IQCE: variants seen among roughly 807,000 people sequenced by gnomAD.
The protein encoded by IQCE is IQ domain-containing protein E.
In IQCE, 115 loss-of-function variants were observed where a neutral mutation model predicts 96.0. The ratio of observed to expected loss-of-function variants is 1.20; its 90% CI spans 1.03 to 1.40. The LOEUF (loss-of-function observed/expected upper bound fraction) is 1.40, where lower values mean the gene tolerates loss of function less well. IQCE is among the 40% of genes most tolerant of loss of function. The pLI is 0.00. For missense variants in IQCE, 1,041 were observed against 909.1 expected (o/e 1.15, Z -1.87); for synonymous variants, 412 against 371.2 (o/e 1.11, Z -1.26).
At position 2,598,454 on chromosome 7, in the gene IQCE, A is replaced by G. The variant is rs780237179; in HGVS notation, c.1441-11A>G. On this transcript the variant is annotated splice_polypyrimidine_tract_variant and intron_variant, in intron 16 of 21. Coordinates refer to ENST00000402050, the MANE Select transcript of IQCE (RefSeq NM_152558.5). ...GCTTCATTGTCCTCTTACTCCTTCA[A>G]TTTCCTGCAGGCCCAAGAGCTCCCA... 4 of 1,558,706 alleles carry G rather than the reference A, an allele frequency of 2.6e-6. No individual in the cohort carries two copies. The highest frequency in any genetic ancestry group is 3.9e-5 in the Admixed American group (2 of 50,824).
chr7:2,577,636 C>T (rs1419632201), intron 6 of IQCE, among the ~76,000 whole-genome samples: 2 of 105,942 alleles, frequency 1.9e-5, no homozygotes, highest in African/African-American at 7.8e-5. Flanking sequence ...GCGGCGTGCA[C>T]GCATTGGCGT....
At chr7:2,608,039 C>A (rs940134108) in intron 21 of IQCE, among the ~76,000 whole-genome samples, 1 of 152,104 alleles carries the variant, frequency 6.6e-6, no homozygotes, top group Non-Finnish European at 1.5e-5. Context: ...GAGAGAACAG[C>A]AAGGAAAACC....
intron 4 of IQCE, 137 bp downstream of exon 4, chr7:2,571,791 A>G (rs1406652088): frequency 2.0e-6 from 2 of 997,888 alleles, no homozygotes; most frequent in Admixed American, 5.4e-5. Context: ...GACATCAAAT[A>G]TACACATCGT....
rs185645844 is a variant in IQCE, at chr7:2,589,615, T to C, written c.1045-292T>C. ...CAGGAGGGAAGATGTGCAGAGTCGT[T>C]TGAGTCCCCTCCCCTCGTGCCCTCC... On this transcript the variant is annotated intron_variant, in intron 13 of 21. Transcript: ENST00000402050. 4.4e-4 allele frequency among the ~76,000 whole-genome samples: 66 copies of C among 149,520 alleles called. No individual in the cohort carries two copies. In the East Asian group the frequency reaches 0.012, roughly 28 times the overall value.
chr7:2,582,657 G>A lies in IQCE; in HGVS notation c.701+7G>A, dbSNP rs765181210. The A allele has an allele frequency of 1.2e-5, 19 of 1,612,220 alleles. No individual in the cohort carries two copies. Among genetic ancestry groups the A allele is most frequent in the African/African-American group, 1.3e-5 (1 of 75,006 alleles). On this transcript the variant is annotated splice_region_variant and intron_variant, in intron 9 of 21. Coordinates refer to ENST00000402050, the MANE Select transcript of IQCE (RefSeq NM_152558.5). ...AGAAGGACGGCACCATCAGGTGGGC[G>A]CAGGGCTGCACCCTCTCCCCTGCCT...
rs746153884 is a variant in IQCE at position 2,572,253 on chromosome 7, CG to C, written c.323del (p.Gly108AlafsTer7). 30 of 1,614,046 alleles carry C rather than the reference CG, an allele frequency of 1.9e-5. No individual in the cohort carries two copies. The highest frequency in any genetic ancestry group is 2.5e-5 in the Non-Finnish European group (29 of 1,180,008). Reference sequence around the variant, plus strand: ...GGGAGCATGCGTGGACTGGCGTCCCCGGCGGCACTCCTGACTGTCTGACAGA... The same window carrying C: ...GGGAGCATGCGTGGACTGGCGTCCCCGCGGCACTCCTGACTGTCTGACAGA... ...TWEHAWTGVP[G>X]GTPDCLTDTF... On this transcript the variant is annotated frameshift_variant, in exon 5 of 22. Coordinates refer to ENST00000402050, the MANE Select transcript of IQCE (RefSeq NM_152558.5). LOFTEE classifies it high-confidence loss of function.
At position 2,571,256 on chromosome 7, in the gene IQCE, C is replaced by T. The variant is rs184351068; in HGVS notation, c.131-270C>T. 883 of 364,920 alleles carry T rather than the reference C, an allele frequency of 2.4e-3. 21 individuals carry two copies. In the Admixed American group the frequency reaches 0.038, roughly 16 times the overall value. The allele number at this position is 364,920 out of a possible 1,614,324, so 22.6% of individuals were successfully genotyped here. ...CTGGTCTTGAATTCCTGGCCTCAAG[C>T]GATTCTCCTGCCTTAGCCTCCCAAG... is the stretch of plus-strand genomic sequence containing the variant. On this transcript the variant is annotated intron_variant, in intron 3 of 21. Transcript: ENST00000402050.
chr7:2,595,435 C>G (rs539944055), intron 16 of IQCE, among the ~76,000 whole-genome samples: 100 of 152,294 alleles, frequency 6.6e-4, no homozygotes, highest in East Asian at 3.9e-4. Flanking sequence ...CCTGTGCCCT[C>G]CCTGCCGTCA....
chr7:2,586,392 C>T, intron 12 of IQCE, 21 bp downstream of exon 12: 1 of 1,566,112 alleles, frequency 6.4e-7, no homozygotes. Context: ...GAAAGCCACT[C>T]CAGGAGGGAG....
At chr7:2,574,769 G>A (rs1781996319) in intron 6 of IQCE, among the ~76,000 whole-genome samples, 1 of 152,188 alleles carries the variant, frequency 6.6e-6, no homozygotes, top group Non-Finnish European at 1.5e-5. Flanking sequence ...TCTGTTCAGT[G>A]TTTTCCCCTC....
At position 2,597,254 on chromosome 7, in the gene IQCE, A is replaced by G. The variant is rs956330426; in HGVS notation, c.1441-1211A>G. On this transcript the variant is annotated intron_variant, in intron 16 of 21. Coordinates refer to ENST00000402050, the MANE Select transcript of IQCE (RefSeq NM_152558.5). ...GGCCCTGGGTGATTAAGGCTGAGAAACACTGCCTTCTGGAGTGTGGGGCCC... is the reference window on the plus strand; with the variant it reads ...GGCCCTGGGTGATTAAGGCTGAGAAGCACTGCCTTCTGGAGTGTGGGGCCC... The G allele has an allele frequency of 2.1e-4, 84 of 406,554 alleles. 1 individual carries two copies. In the Admixed American group the frequency reaches 2.1e-3, roughly 10 times the overall value. The allele number at this position is 406,554 out of a possible 1,614,324, so 25.2% of individuals were successfully genotyped here.
chr7:2,559,287 G>A lies in IQCE; in HGVS notation c.36+70G>A, dbSNP rs947317010. On this transcript the variant is annotated intron_variant, in intron 1 of 21. Coordinates refer to ENST00000402050, the MANE Select transcript of IQCE (RefSeq NM_152558.5). ...CCTCGGCTCGTCTCCGTCGCCCGCA[G>A]CCTCGGGGCCCCGCGCAGGGGCCGG... is the stretch of plus-strand genomic sequence containing the variant. 12 of 990,182 alleles carry A rather than the reference G, an allele frequency of 1.2e-5. No homozygotes were observed. The African/African-American group carries it at 1.9e-4, about 16-fold the overall frequency. The allele number at this position is 990,182 out of a possible 1,614,324, so 61.3% of individuals were successfully genotyped here.
At chr7:2,606,764 C>T (rs950650964) in intron 20 of IQCE, among the ~76,000 whole-genome samples, 2 of 152,192 alleles carry the variant, frequency 1.3e-5, no homozygotes, top group Non-Finnish European at 2.9e-5. Flanking sequence ...GAGCCCCAGC[C>T]AGGAGGTGGA....
chr7:2,593,977 T>G (rs1821817), intron 15 of IQCE, among the ~76,000 whole-genome samples: 1 of 152,080 alleles, frequency 6.6e-6, no homozygotes, highest in South Asian at 2.1e-4. Flanking sequence ...TGAAGAAAAC[T>G]GTGGCCGGGC....
rs202150891 is a variant in IQCE, at chr7:2,582,570, C to T, written c.631-10C>T. On this transcript the variant is annotated splice_polypyrimidine_tract_variant and intron_variant, in intron 8 of 21. Transcript: ENST00000402050. ...GCGTGGCCTGCCTGATGGGCACGTT[C>T]CCCGGGCAGGTCATTAACGGGCTGA... is the stretch of plus-strand genomic sequence containing the variant. 8.6e-4 allele frequency: 1,387 copies of T among 1,613,326 alleles called. 19 individuals carry two copies. The Admixed American group carries it at 0.022, about 25-fold the overall frequency.
chr7:2,593,191 C>T (rs1021819478), intron 15 of IQCE, 65 bp downstream of exon 15: 7 of 1,523,282 alleles, frequency 4.6e-6, no homozygotes, highest in Middle Eastern at 2.3e-4. Flanking sequence ...ACCACTGCGG[C>T]CCCCCGTGGC....
chr7:2,590,970 C>G (rs1001384527), intron 14 of IQCE, among the ~76,000 whole-genome samples: 7 of 150,560 alleles, frequency 4.6e-5, no homozygotes, highest in African/African-American at 1.7e-4. Context: ...ATAAATGCTC[C>G]AGCCTGACGC....
intron 10 of IQCE, 41 bp from the exon 11 acceptor site, chr7:2,584,195 C>G: frequency 6.4e-7 from 1 of 1,571,902 alleles, no homozygotes; most frequent in Non-Finnish European, 8.8e-7. Flanking sequence ...CTTCTCCATG[C>G]TAGCCTTGTG....
chr7:2,591,428 A>T (rs1783577567), intron 14 of IQCE, among the ~76,000 whole-genome samples: 1 of 151,984 alleles, frequency 6.6e-6, no homozygotes, highest in African/African-American at 2.4e-5. Flanking sequence ...TCCTTCATGA[A>T]TCAGCCACCT....
Sources: allele counts gnomAD v4.1 joint callset (sites outside exome capture counted in the v4.1 genomes callset), GRCh38; gene constraint gnomAD v4.1.1; transcripts MANE v1.5; gene names NCBI Gene and HGNC (gene_info 2026-07-23, HGNC 2026-07-21).